The following HSD17B12 variants were observed in gnomAD, a reference collection of about 807,000 sequenced individuals.
HSD17B12 encodes the protein very-long-chain 3-oxoacyl-CoA reductase.
A neutral mutation model predicts 39.3 loss-of-function variants in HSD17B12; 32 were observed. The observed-to-expected ratio is 0.81, with a 90% CI of 0.61 to 1.09. HSD17B12 has a LOEUF of 1.09. Among genes scored for constraint, HSD17B12 ranks in the 50% least tolerant of loss-of-function variants. The pLI, the probability that HSD17B12 is intolerant of heterozygous loss-of-function variation, is 0.00. For synonymous variants in HSD17B12, 150 were observed against 146.7 expected (o/e 1.02, Z -0.16); for missense variants, 342 against 382.9 (o/e 0.89, Z 0.89).
chr11:43,765,191 TC>T (rs1448311234), intron 3 of HSD17B12, among the ~76,000 whole-genome samples: 1 of 152,156 alleles, frequency 6.6e-6, no homozygotes, highest in Non-Finnish European at 1.5e-5. Context: ...CTGAAGGTCT[TC>T]CTTTAACATT....
chr11:43,733,382 A>G (rs187895205), intron 1 of HSD17B12, among the ~76,000 whole-genome samples: 7 of 152,286 alleles, frequency 4.6e-5, no homozygotes, highest in Admixed American at 3.9e-4. Flanking sequence ...TGTTTGGGGA[A>G]CTACTGATTG....
chr11:43,761,561 C>G (rs1291788799), intron 3 of HSD17B12, among the ~76,000 whole-genome samples: 1 of 152,188 alleles, frequency 6.6e-6, no homozygotes, highest in South Asian at 2.1e-4. Flanking sequence ...TTAGACAATC[C>G]TTTTGCTCCT....
chr11:43,758,389 G>A (rs1410397459), intron 3 of HSD17B12, among the ~76,000 whole-genome samples: 1 of 152,176 alleles, frequency 6.6e-6, no homozygotes, highest in African/African-American at 2.4e-5. Flanking sequence ...GAGGTTCAGA[G>A]TAGCTTGGGA....
At chr11:43,838,172 A>G in intron 7 of HSD17B12, 145 bp from the exon 8 acceptor site, 1 of 646,306 alleles carries the variant, frequency 1.5e-6, no homozygotes, top group Non-Finnish European at 2.8e-6. Context: ...AGCATAGCAC[A>G]TACTGATGAA....
At chr11:43,650,571 G>T in the HSD17B12 span, among the ~76,000 whole-genome samples, 1 of 152,264 alleles carries the variant, frequency 6.6e-6, no homozygotes, top group Admixed American at 6.5e-5. Context: ...TTAATTAAAT[G>T]AATATAGATC....
the HSD17B12 span, among the ~76,000 whole-genome samples, chr11:43,609,172 T>C: frequency 6.6e-6 from 1 of 151,794 alleles, no homozygotes; most frequent in Non-Finnish European, 1.5e-5. Flanking sequence ...ACTCCTTGGC[T>C]CAAGTGATCT....
the HSD17B12 span, among the ~76,000 whole-genome samples, chr11:43,668,822 A>G: frequency 2.6e-5 from 4 of 151,916 alleles, no homozygotes; most frequent in African/African-American, 9.7e-5. Flanking sequence ...CCACACTGGG[A>G]CGACCAGTGT....
At chr11:43,787,662 G>A (rs1412215204) in intron 3 of HSD17B12, among the ~76,000 whole-genome samples, 1 of 151,736 alleles carries the variant, frequency 6.6e-6, no homozygotes, top group Non-Finnish European at 1.5e-5. Context: ...GCTTGAACCT[G>A]GGAGGTGGAG....
chr11:43,616,413 AAAAACAAAAAAC>A, the HSD17B12 span, among the ~76,000 whole-genome samples: 4 of 134,884 alleles, frequency 3.0e-5, no homozygotes, highest in African/African-American at 1.2e-4. Context: ...CATCTAAAAA[AAAAACAAAAAAC>A]AAAAAAAAAA....
At chr11:43,706,689 G>GTGTGTGTGTGTGT (rs1554961260) in intron 1 of HSD17B12, among the ~76,000 whole-genome samples, 13 of 137,820 alleles carry the variant, frequency 9.4e-5, no homozygotes, top group African/African-American at 3.6e-4. Context: ...TGAATGAAGG[G>GTGTGTGTGTGTGT]GTGTGTGTGT....
chr11:43,625,514 C>T, the HSD17B12 span, among the ~76,000 whole-genome samples: 1 of 151,278 alleles, frequency 6.6e-6, no homozygotes, highest in African/African-American at 2.4e-5. Flanking sequence ...TTTTAAAAGG[C>T]AGATATGACT....
chr11:43,646,075 G>A, the HSD17B12 span: 58,766 of 152,116 alleles, frequency 0.39, 12,809 homozygotes, highest in East Asian at 0.77. Flanking sequence ...GAACCTGGGA[G>A]GTGGAGGCGG....
the HSD17B12 span, among the ~76,000 whole-genome samples, chr11:43,601,163 A>G: frequency 6.6e-6 from 1 of 151,662 alleles, no homozygotes; most frequent in South Asian, 2.1e-4. Context: ...GCAAGCTGCT[A>G]TTTATTTTTT....
intron 1 of HSD17B12, among the ~76,000 whole-genome samples, chr11:43,708,501 C>T (rs1950035808): frequency 6.6e-6 from 1 of 152,190 alleles, no homozygotes; most frequent in Non-Finnish European, 1.5e-5. Flanking sequence ...ATTGGATCAA[C>T]TCTAAAATAA....
chr11:43,634,854 T>A, the HSD17B12 span, among the ~76,000 whole-genome samples: 1 of 152,204 alleles, frequency 6.6e-6, no homozygotes, highest in Non-Finnish European at 1.5e-5. Context: ...GTGTGTACTG[T>A]CACTGATGAC....
the HSD17B12 span, among the ~76,000 whole-genome samples, chr11:43,611,149 A>G: frequency 6.6e-6 from 1 of 152,222 alleles, no homozygotes; most frequent in South Asian, 2.1e-4. Context: ...ATTCCCAAAA[A>G]TCTTTGATAT....
At chr11:43,848,858 C>T (rs1951504436) in intron 9 of HSD17B12, among the ~76,000 whole-genome samples, 1 of 152,192 alleles carries the variant, frequency 6.6e-6, no homozygotes, top group African/African-American at 2.4e-5. Context: ...TATTTGACTA[C>T]TTCTCATGAC....
chr11:43,734,103 C>T, intron 1 of HSD17B12: 2 of 1,151,764 alleles, frequency 1.7e-6, no homozygotes, highest in Non-Finnish European at 1.3e-6. Context: ...CTATGATGAG[C>T]GTGTGCTGCC....
the HSD17B12 span, among the ~76,000 whole-genome samples, chr11:43,664,615 T>G: frequency 1.3e-5 from 2 of 152,210 alleles, no homozygotes; most frequent in African/African-American, 4.8e-5. Flanking sequence ...TACTCCTACC[T>G]TCTTGCTTAT....
Sources: allele counts gnomAD v4.1 joint callset (sites outside exome capture counted in the v4.1 genomes callset), GRCh38; gene constraint gnomAD v4.1.1; transcripts MANE v1.5; gene names NCBI Gene and HGNC (gene_info 2026-07-23, HGNC 2026-07-21).